RBFOX1: variants seen among roughly 807,000 people sequenced by gnomAD.
The protein encoded by RBFOX1 is RNA binding fox-1 homolog 1.
RBFOX1 carries 8 observed loss-of-function variants against 57.7 expected under a neutral mutation model. The observed-to-expected ratio is 0.14, with a 90% CI of 0.08 to 0.25. The LOEUF is 0.25. RBFOX1 is among the 10% of genes least tolerant of loss of function. The pLI is 1.00. For synonymous variants in RBFOX1, 326 were observed against 222.4 expected, an observed-to-expected ratio of 1.47 and a Z score of -4.15; for missense variants, 611 against 548.5, an observed-to-expected ratio of 1.11 and a Z score of -1.14.
chr16:6,853,058 G>C (rs1290745253), intron 3 of RBFOX1, among the ~76,000 whole-genome samples: 2 of 152,152 alleles, frequency 1.3e-5, no homozygotes, highest in Admixed American at 6.5e-5. Flanking sequence ...GCAACCCAGA[G>C]ACAGCCTCTG....
At chr16:6,509,664 A>AT (rs1258258078) in intron 2 of RBFOX1, among the ~76,000 whole-genome samples, 2 of 152,196 alleles carry the variant, frequency 1.3e-5, no homozygotes, top group African/African-American at 4.8e-5. Context: ...TTAAGTGTAC[A>AT]TTTTTAAATA....
intron 3 of RBFOX1, among the ~76,000 whole-genome samples, chr16:5,823,051 T>A (rs1361786328): frequency 1.3e-5 from 2 of 152,182 alleles, no homozygotes; most frequent in Admixed American, 1.3e-4. Context: ...AAATTAGTAA[T>A]GCTATTGGGA....
At chr16:7,087,379 C>T (rs1170794027) in intron 4 of RBFOX1, among the ~76,000 whole-genome samples, 2 of 152,142 alleles carry the variant, frequency 1.3e-5, no homozygotes, top group Non-Finnish European at 2.9e-5. Flanking sequence ...TGTTGATGAT[C>T]AACACCATCG....
At chr16:6,813,539 C>G (rs1036929025) in intron 3 of RBFOX1, among the ~76,000 whole-genome samples, 1 of 152,186 alleles carries the variant, frequency 6.6e-6, no homozygotes, top group Non-Finnish European at 1.5e-5. Context: ...CCTAAAGTAG[C>G]TTTGCTTGTG....
intron 2 of RBFOX1, among the ~76,000 whole-genome samples, chr16:6,644,740 C>T (rs574416946): frequency 1.3e-5 from 2 of 152,272 alleles, no homozygotes; most frequent in Admixed American, 1.3e-4. Flanking sequence ...GTGGAAACAC[C>T]TGGGCCCTGG....
chr16:6,675,882 G>A (rs1289526873), intron 3 of RBFOX1, among the ~76,000 whole-genome samples: 1 of 151,960 alleles, frequency 6.6e-6, no homozygotes, highest in Non-Finnish European at 1.5e-5. Context: ...AGATTTGGGT[G>A]AGGACCCAGT....
chr16:6,977,615 C>T (rs1473519739), intron 3 of RBFOX1, among the ~76,000 whole-genome samples: 1 of 152,120 alleles, frequency 6.6e-6, no homozygotes, highest in Non-Finnish European at 1.5e-5. Context: ...GGACTCCAAG[C>T]TTCCAAACGG....
chr16:6,922,181 G>A (rs527958134), intron 3 of RBFOX1, among the ~76,000 whole-genome samples: 25 of 152,268 alleles, frequency 1.6e-4, no homozygotes, highest in African/African-American at 5.8e-4. Flanking sequence ...ATCCTGGGGG[G>A]TAGGTGCAAT....
intron 3 of RBFOX1, among the ~76,000 whole-genome samples, chr16:6,960,273 A>G (rs1481344599): frequency 6.6e-6 from 1 of 152,194 alleles, no homozygotes; most frequent in Non-Finnish European, 1.5e-5. Flanking sequence ...GAAGGTCTTC[A>G]GGCCTCAGAT....
chr16:7,265,254 C>G (rs55959961), intron 4 of RBFOX1, among the ~76,000 whole-genome samples: 13,403 of 151,384 alleles, frequency 0.089, 589 homozygotes, highest in South Asian at 0.13. Flanking sequence ...GAAGTGAGAT[C>G]AGGGTAGTAG....
intron 3 of RBFOX1, among the ~76,000 whole-genome samples, chr16:5,777,811 C>T (rs891171114): frequency 6.6e-6 from 1 of 152,174 alleles, no homozygotes; most frequent in Non-Finnish European, 1.5e-5. Flanking sequence ...CACTCTCCTA[C>T]TTAGCTCCTT....
intron 1 of RBFOX1, among the ~76,000 whole-genome samples, chr16:6,046,094 G>C (rs144819978): frequency 9.2e-5 from 14 of 152,268 alleles, no homozygotes; most frequent in Middle Eastern, 3.4e-3. Flanking sequence ...ACAAGGAAGA[G>C]GAACATTCTG....
At chr16:5,607,519 GA>G (rs1286516127) in intron 3 of RBFOX1, among the ~76,000 whole-genome samples, 2 of 152,182 alleles carry the variant, frequency 1.3e-5, no homozygotes, top group African/African-American at 4.8e-5. Context: ...TGATGATACT[GA>G]CGGGTTTCAA....
At chr16:7,363,226 G>C (rs944065837) in intron 4 of RBFOX1, among the ~76,000 whole-genome samples, 1 of 152,144 alleles carries the variant, frequency 6.6e-6, no homozygotes, top group Non-Finnish European at 1.5e-5. Context: ...CCTGGGGTCT[G>C]GGTTCTTTGT....
Position 5,979,688 on chromosome 16 carries a change from C to A in RBFOX1, c.351+112353C>A, listed in dbSNP as rs7199616. On this transcript the variant is annotated intron_variant, in intron 4 of 19. Coordinates refer to the RBFOX1 transcript ENST00000641259. ...ACCATCCTGGTCAACATGGTGAAAC[C>A]CCATCTCTACTAAAAATACAAAAAT... 6.6e-5 allele frequency among the ~76,000 whole-genome samples: 10 copies of A among 152,126 alleles called. No homozygotes were observed. The East Asian group carries it at 1.9e-3, about 29-fold the overall frequency.
intron 4 of RBFOX1, among the ~76,000 whole-genome samples, chr16:7,516,080 A>T (rs1223317566): frequency 1.3e-5 from 2 of 152,132 alleles, no homozygotes; most frequent in African/African-American, 4.8e-5. Context: ...CCTGACCTCA[A>T]GTGATCCACC....
intron 4 of RBFOX1, among the ~76,000 whole-genome samples, chr16:7,266,448 C>T (rs1433637588): frequency 6.6e-6 from 1 of 152,172 alleles, no homozygotes; most frequent in African/African-American, 2.4e-5. Context: ...TGCTATAAAG[C>T]CAGTGGAACT....
chr16:6,557,917 T>C (rs958567411), intron 2 of RBFOX1, among the ~76,000 whole-genome samples: 17 of 152,330 alleles, frequency 1.1e-4, no homozygotes, highest in African/African-American at 2.9e-4. Flanking sequence ...TTCAGCGATA[T>C]ACTGCTTATG....
intron 2 of RBFOX1, among the ~76,000 whole-genome samples, chr16:5,483,951 G>A (rs1250421544): frequency 1.3e-5 from 2 of 152,114 alleles, no homozygotes; most frequent in African/African-American, 4.8e-5. Context: ...CAGGAGGATT[G>A]CTTGAGCCCA....
Sources: allele counts gnomAD v4.1 joint callset (sites outside exome capture counted in the v4.1 genomes callset), GRCh38; gene constraint gnomAD v4.1.1; transcripts MANE v1.5; gene names NCBI Gene and HGNC (gene_info 2026-07-23, HGNC 2026-07-21).